The following EXT2 variants were observed in gnomAD, a reference collection of about 807,000 sequenced individuals.
EXT2 encodes the protein exostosin glycosyltransferase 2.
A neutral mutation model predicts 81.6 loss-of-function variants in EXT2; 53 were observed. The observed-to-expected ratio is 0.65, with a 90% CI of 0.52 to 0.82. The LOEUF (loss-of-function observed/expected upper bound fraction) is 0.82. EXT2 is among the 40% of genes least tolerant of loss of function. The pLI, the probability that EXT2 is intolerant of heterozygous loss-of-function variation, is 0.00. For synonymous variants in EXT2, 320 were observed against 340.0 expected, an observed-to-expected ratio of 0.94 and a Z score of 0.65; for missense variants, 774 against 910.2, an observed-to-expected ratio of 0.85 and a Z score of 1.93.
At chr11:44,171,940 T>A in intron 8 of EXT2, 198 bp downstream of exon 8, 1 of 707,720 alleles carries the variant, frequency 1.4e-6, no homozygotes, top group South Asian at 1.7e-5. Context: ...AAGCAGCAGC[T>A]TCCAGTGTGT....
At chr11:44,133,365 T>C (rs951917280) in intron 7 of EXT2, among the ~76,000 whole-genome samples, 4 of 152,204 alleles carry the variant, frequency 2.6e-5, no homozygotes, top group Admixed American at 1.3e-4. Context: ...TGGGTCTTTT[T>C]GCAAGACAGG....
At chr11:44,190,004 G>C (rs1026328124) in intron 8 of EXT2, among the ~76,000 whole-genome samples, 1 of 152,148 alleles carries the variant, frequency 6.6e-6, no homozygotes, top group Non-Finnish European at 1.5e-5. Context: ...AAATCTCCCA[G>C]TAACCATTAA....
intron 7 of EXT2, among the ~76,000 whole-genome samples, chr11:44,135,558 A>G (rs1954554256): frequency 1.3e-5 from 2 of 151,980 alleles, no homozygotes; most frequent in South Asian, 4.2e-4. Flanking sequence ...CACCCAGCTA[A>G]TTTTGGTATT....
intron 3 of EXT2, among the ~76,000 whole-genome samples, chr11:44,110,941 T>C (rs1364593659): frequency 6.6e-6 from 1 of 152,190 alleles, no homozygotes; most frequent in Non-Finnish European, 1.5e-5. Context: ...GCCTTCTTGT[T>C]GGGGTAAGGA....
At chr11:44,102,881 T>C (rs1012910700) in intron 1 of EXT2, among the ~76,000 whole-genome samples, 2 of 152,196 alleles carry the variant, frequency 1.3e-5, no homozygotes, top group African/African-American at 4.8e-5. Context: ...CTGTTTTTTG[T>C]TTGTTTTGTT....
At chr11:44,112,551 A>G (rs1361436560) in intron 3 of EXT2, among the ~76,000 whole-genome samples, 1 of 152,180 alleles carries the variant, frequency 6.6e-6, no homozygotes, top group Non-Finnish European at 1.5e-5. Flanking sequence ...ATTATAATGT[A>G]ATGGAGACCT....
intron 8 of EXT2, among the ~76,000 whole-genome samples, chr11:44,190,518 A>G (rs1411174639): frequency 2.0e-5 from 3 of 152,216 alleles, no homozygotes; most frequent in Non-Finnish European, 4.4e-5. Flanking sequence ...GTTCATTTAA[A>G]TCAGATATAG....
intron 6 of EXT2, among the ~76,000 whole-genome samples, chr11:44,128,200 GTC>G (rs2135024089): frequency 6.6e-6 from 1 of 152,176 alleles, no homozygotes; most frequent in African/African-American, 2.4e-5. Flanking sequence ...GTAACATAGA[GTC>G]TCTGTTTCCA....
In EXT2 at chr11:44,120,972, A is replaced by C. The variant is rs2135004573; in HGVS notation, c.744-3817A>C. On this transcript the variant is annotated intron_variant, in intron 4 of 13. Coordinates refer to ENST00000533608, the MANE Select transcript of EXT2 (RefSeq NM_207122.2). ...TAGTCTTTAAAAGAAAAACAAATCC[A>C]CCTTAAAATTTAGTTGGTTTAAAAC... Among the ~76,000 whole-genome samples, 2 of 152,306 alleles carry C rather than the reference A, an allele frequency of 1.3e-5. 1 individual carries two copies. The highest frequency in any genetic ancestry group is 4.2e-4 in the South Asian group (2 of 4,818).
rs1272811342 is a variant in EXT2 at position 44,244,562 on chromosome 11, A to G, written c.*275A>G. The G allele has an allele frequency of 4.2e-6, 2 of 472,158 alleles. No individual in the cohort carries two copies. The highest frequency in any genetic ancestry group is 5.9e-4 in the Middle Eastern group (1 of 1,696). 29.2% of individuals were successfully genotyped at this position (472,158 alleles called of 1,614,324 possible). A position where few individuals can be genotyped will look rare whatever the true frequency, so the allele number is the denominator to read the frequency against. ...TGGAAGACTTTGTGGCATGCTCCAGATTTAAATCCAGCTGAGGCTCCCTTT... is the reference window on the plus strand; with the variant it reads ...TGGAAGACTTTGTGGCATGCTCCAGGTTTAAATCCAGCTGAGGCTCCCTTT... On this transcript the variant is annotated 3_prime_UTR_variant, in exon 14 of 14. Transcript: ENST00000533608.
At chr11:44,205,417 A>G (rs1955570406) in intron 9 of EXT2, among the ~76,000 whole-genome samples, 1 of 152,214 alleles carries the variant, frequency 6.6e-6, no homozygotes, top group Admixed American at 6.5e-5. Flanking sequence ...ATGAAACTAT[A>G]ACTGTTGATA....
intron 8 of EXT2, among the ~76,000 whole-genome samples, chr11:44,184,081 T>C (rs1955274049): frequency 6.6e-6 from 1 of 152,266 alleles, no homozygotes; most frequent in Non-Finnish European, 1.5e-5. Context: ...TTGTTTATTT[T>C]GCTTCTTCAA....
At chr11:44,125,064 G>A in intron 5 of EXT2, 80 bp downstream of exon 5, 2 of 1,407,270 alleles carry the variant, frequency 1.4e-6, no homozygotes, top group African/African-American at 2.8e-5. Flanking sequence ...GCGAACCTGA[G>A]TTGTTTTCAG....
At chr11:44,108,765 C>A (rs139576067) in intron 2 of EXT2, among the ~76,000 whole-genome samples, 125 of 152,256 alleles carry the variant, frequency 8.2e-4, no homozygotes, top group African/African-American at 2.9e-3. Flanking sequence ...TACTCTTTTG[C>A]TTTTTCCCTT....
At chr11:44,191,441 T>C (rs1337649469) in intron 8 of EXT2, among the ~76,000 whole-genome samples, 1 of 152,250 alleles carries the variant, frequency 6.6e-6, no homozygotes, top group Non-Finnish European at 1.5e-5. Context: ...TAGATGAGCT[T>C]TGCCTCTTCT....
intron 10 of EXT2, among the ~76,000 whole-genome samples, chr11:44,211,327 T>C (rs1165121221): frequency 6.6e-6 from 1 of 152,214 alleles, no homozygotes; most frequent in Non-Finnish European, 1.5e-5. Context: ...AGCTGCACTC[T>C]CATATTCATT....
At position 44,108,177 on chromosome 11, in the gene EXT2, C is replaced by T. The variant is rs2134968324; in HGVS notation, c.465C>T (p.Pro155=). 1 of 1,614,036 alleles carries T rather than the reference C, an allele frequency of 6.2e-7. No individual in the cohort carries two copies. The highest frequency in any genetic ancestry group is 8.5e-7 in the Non-Finnish European group (1 of 1,180,034). Residue 155 remains proline, a synonymous_variant, in exon 2 of 14, where the codon CCC becomes CCT. Coordinates refer to ENST00000533608, the MANE Select transcript of EXT2 (RefSeq NM_207122.2). ...TCAACCGGGCCTGTCTGTTTGTTCC[C>T]TCCATCGATGTGCTTAACCAGAACA... ...DDINRACLFV[P]SIDVLNQNTL...
At chr11:44,096,886 A>G (rs2134935426) in intron 1 of EXT2, among the ~76,000 whole-genome samples, 1 of 152,346 alleles carries the variant, frequency 6.6e-6, no homozygotes, top group Middle Eastern at 3.4e-3. Context: ...TGCTCTATGT[A>G]CTTTAACTGG....
intron 8 of EXT2, 31 bp downstream of exon 8, chr11:44,171,773 G>A (rs1955078771): frequency 6.2e-7 from 1 of 1,613,248 alleles, no homozygotes; most frequent in East Asian, 2.2e-5. Context: ...GCCACATGAG[G>A]CATGGTCCAG....
Sources: allele counts gnomAD v4.1 joint callset (sites outside exome capture counted in the v4.1 genomes callset), GRCh38; gene constraint gnomAD v4.1.1; transcripts MANE v1.5; gene names NCBI Gene and HGNC (gene_info 2026-07-23, HGNC 2026-07-21).